CHMP7: variants seen among roughly 807,000 people sequenced by gnomAD.
CHMP7 encodes charged multivesicular body protein 7, also known as CHMP family, member 7.
A neutral mutation model predicts 53.7 loss-of-function variants in CHMP7; 15 were observed. That is an observed-to-expected ratio of 0.28 (90% CI 0.19 to 0.43). The LOEUF (loss-of-function observed/expected upper bound fraction) is 0.43, where lower values mean the gene tolerates loss of function less well. CHMP7 is among the 20% of genes least tolerant of loss of function. The pLI is 1.00. For missense variants in CHMP7, 527 were observed against 569.4 expected, an observed-to-expected ratio of 0.93 and a Z score of 0.76; for synonymous variants, 261 against 228.0, an observed-to-expected ratio of 1.14 and a Z score of -1.30.
intron 3 of CHMP7, among the ~76,000 whole-genome samples, chr8:23,250,669 C>G (rs1801891140): frequency 7.0e-6 from 1 of 141,892 alleles, no homozygotes; most frequent in African/African-American, 2.7e-5. Flanking sequence ...TGTGTGTTGA[C>G]TGAGCACCTG....
chr8:23,247,266 T>G (rs542345324), intron 2 of CHMP7, among the ~76,000 whole-genome samples: 128 of 151,992 alleles, frequency 8.4e-4, no homozygotes, highest in Non-Finnish European at 1.4e-3. Context: ...CTAACAGAGG[T>G]GACAGTAATT....
chr8:23,259,161 C>CTTTTTTTTTTTTTT lies in CHMP7; in HGVS notation c.1120+35_1120+36insTTTTTTTTTTTTTT, dbSNP rs1491187498. On this transcript the variant is annotated intron_variant, in intron 9 of 10. Transcript: ENST00000397677. ...CAAGGTGGTTATTTTTATTTTTATT[C>CTTTTTTTTTTTTTT]ATTTTTTTTTTTTTTTTTTTTTTTT... is the stretch of plus-strand genomic sequence containing the variant. The CTTTTTTTTTTTTTT allele has an allele frequency of 6.3e-6, 3 of 478,900 alleles. 1 individual carries two copies. 29.7% of individuals were successfully genotyped at this position (478,900 alleles called of 1,614,324 possible). A position where few individuals can be genotyped will look rare whatever the true frequency, so the allele number is the denominator to read the frequency against.
Position 23,246,460 on chromosome 8 carries a change from T to C in CHMP7, c.-236T>C. ...GGCACAAAGACCGTGGGAGGAGGGG[T>C]CGGCGCAAGCGCTCGGTGTCTCTCT... On this transcript the variant is annotated 5_prime_UTR_variant, in exon 2 of 11. Transcript: ENST00000397677. 1.9e-6 allele frequency: 1 copy of C among 539,462 alleles called. No individual in the cohort carries two copies. Among genetic ancestry groups the C allele is most frequent in the South Asian group, 2.4e-5 (1 of 41,408 alleles). 33.4% of individuals were successfully genotyped at this position (539,462 alleles called of 1,614,324 possible).
intron 10 of CHMP7, 104 bp from the exon 11 acceptor site, chr8:23,260,434 G>A (rs1386588605): frequency 7.3e-6 from 11 of 1,510,792 alleles, no homozygotes; most frequent in East Asian, 2.3e-5. Context: ...GCCCTGTAGG[G>A]AGTTGAGGGT....
At chr8:23,255,140 TC>T (rs1257665801) in intron 3 of CHMP7, 106 bp from the exon 4 acceptor site, 2 of 1,123,998 alleles carry the variant, frequency 1.8e-6, no homozygotes, top group Non-Finnish European at 2.6e-6. Context: ...GGGTTGGGAT[TC>T]CCGGGTGCTT....
At chr8:23,255,773 T>TC (rs1802100120) in intron 4 of CHMP7, among the ~76,000 whole-genome samples, 1 of 148,172 alleles carries the variant, frequency 6.7e-6, no homozygotes, top group African/African-American at 2.5e-5. Flanking sequence ...TTATTGTACT[T>TC]TTTTTTTTTT....
rs1273812563 is a variant in CHMP7 at position 23,261,659 on chromosome 8, C to G, written c.*1060C>G. The G allele has an allele frequency of 2.0e-5, 3 of 152,742 alleles. No individual in the cohort carries two copies. The East Asian group carries it at 5.8e-4, about 29-fold the overall frequency. 9.5% of individuals were successfully genotyped at this position (152,742 alleles called of 1,614,324 possible). On this transcript the variant is annotated 3_prime_UTR_variant, in exon 11 of 11. Transcript: ENST00000397677. ...CACCTGTCCTGCTTCCTGCAGTCCCCACTCCCTGCCTCCTTTGAGGGACTG... is the reference window on the plus strand; with the variant it reads ...CACCTGTCCTGCTTCCTGCAGTCCCGACTCCCTGCCTCCTTTGAGGGACTG...
At position 23,249,346 on chromosome 8, in the gene CHMP7, G is replaced by C; in HGVS notation, c.436G>C (p.Ala146Pro). 6.2e-7 allele frequency: 1 copy of C among 1,611,326 alleles called. No individual in the cohort carries two copies. The highest frequency in any genetic ancestry group is 8.5e-7 in the Non-Finnish European group (1 of 1,178,824). Residue 146 changes from alanine to proline, a missense_variant, in exon 3 of 11, where the codon GCT becomes CCT. Physicochemically the swap from Ala to Pro is conservative, Grantham distance 27. Transcript: ENST00000397677. ...SNMLGDNKVP[A>P]EEVLVAVELL... ...CATGCTGGGAGATAATAAGGTTCCA[G>C]CTGAGGAGGTCCTTGTCGCTGTGGA...
chr8:23,257,755 A>G (rs1802197598), intron 5 of CHMP7, among the ~76,000 whole-genome samples: 2 of 152,220 alleles, frequency 1.3e-5, no homozygotes, highest in African/African-American at 2.4e-5. Flanking sequence ...GTCTCCCCAA[A>G]ACAGGAAGAT....
intron 1 of CHMP7, among the ~76,000 whole-genome samples, 193 bp downstream of exon 1, chr8:23,244,037 T>C (rs1020441536): frequency 2.0e-5 from 3 of 152,144 alleles, no homozygotes; most frequent in South Asian, 2.1e-4. Context: ...CTCGTGTGTT[T>C]TGGATAACAG....
chr8:23,255,902 C>T (rs147016528), intron 4 of CHMP7, among the ~76,000 whole-genome samples: 1,674 of 152,000 alleles, frequency 0.011, 34 homozygotes, highest in African/African-American at 0.038. Flanking sequence ...GCTGGAATTA[C>T]AGGCATGCGC....
intron 2 of CHMP7, chr8:23,247,868 C>G (rs1047383014): frequency 2.8e-6 from 1 of 356,550 alleles, no homozygotes; most frequent in Admixed American, 3.7e-5. Flanking sequence ...CGTGATACCT[C>G]TCTCAGTGAG....
Position 23,258,466 on chromosome 8 carries a change from A to C in CHMP7, c.960+17A>C. The C allele has an allele frequency of 2.5e-6, 4 of 1,613,096 alleles. 1 individual carries two copies. The highest frequency in any genetic ancestry group is 2.2e-5 in the South Asian group (2 of 91,008). ...GATCAGATGGTAGTCACTCCCCTCTACTCCAGCACTTGGCTGGTCTCTCCG... is the reference window on the plus strand; with the variant it reads ...GATCAGATGGTAGTCACTCCCCTCTCCTCCAGCACTTGGCTGGTCTCTCCG... On this transcript the variant is annotated intron_variant, in intron 7 of 10. Transcript: ENST00000397677.
intron 3 of CHMP7, among the ~76,000 whole-genome samples, chr8:23,254,339 C>T (rs1364213912): frequency 2.0e-5 from 3 of 152,120 alleles, no homozygotes; most frequent in Admixed American, 2.0e-4. Flanking sequence ...ATATTTCTTA[C>T]TCTTGTCACT....
In CHMP7 at chr8:23,246,495, TTC is replaced by T; in HGVS notation, c.-200_-199del. ...CGCTCGGTGTCTCTCTGAAAAGAAC[TTC>T]ATCATACTGCCTCCTGGCTGACGGA... On this transcript the variant is annotated 5_prime_UTR_variant, in exon 2 of 11. Transcript: ENST00000397677. The T allele has an allele frequency of 1.9e-5, 2 of 107,546 alleles. No individual in the cohort carries two copies. The highest frequency in any genetic ancestry group is 5.1e-5 in the Non-Finnish European group (2 of 39,084). The allele number at this position is 107,546 out of a possible 1,614,324, so 6.7% of individuals were successfully genotyped here.
Position 23,260,329 on chromosome 8 carries a change from G to C in CHMP7, c.1300+6G>C. On this transcript the variant is annotated splice_donor_region_variant and intron_variant, in intron 10 of 10. Transcript: ENST00000397677. ...ACTGTCCTTATCAGAGGGAGGTATG[G>C]AGCTGTTTTCCAAGGCCTTTGGAGG... 6.2e-7 allele frequency: 1 copy of C among 1,614,100 alleles called. No homozygotes were observed. Among genetic ancestry groups the C allele is most frequent in the Non-Finnish European group, 8.5e-7 (1 of 1,179,974 alleles).
chr8:23,244,526 C>T (rs1201390218), intron 1 of CHMP7, among the ~76,000 whole-genome samples: 1 of 152,204 alleles, frequency 6.6e-6, no homozygotes, highest in Non-Finnish European at 1.5e-5. Flanking sequence ...ACTAATACCA[C>T]ACTATCTTGA....
At chr8:23,256,690 G>GTTTT (rs67393714) in intron 5 of CHMP7, 97 bp downstream of exon 5, 22,430 of 586,562 alleles carry the variant, frequency 0.038, 26 homozygotes, top group Non-Finnish European at 0.046. Flanking sequence ...AAATAGGTGG[G>GTTTT]TTTTTTTTTT....
intron 1 of CHMP7, 24 bp downstream of exon 1, chr8:23,243,868 G>T (rs1245815644): frequency 2.0e-5 from 3 of 152,204 alleles, no homozygotes; most frequent in Non-Finnish European, 4.4e-5. Flanking sequence ...TGCTATTCTT[G>T]TCTAATTTGC....
Sources: gnomAD v4.1 joint callset for allele counts (sites outside exome capture counted in the v4.1 genomes callset) on GRCh38, gnomAD v4.1.1 for gene constraint, MANE v1.5 for transcripts, NCBI Gene and HGNC (gene_info 2026-07-23, HGNC 2026-07-21) for gene names.